COL5A1: variants seen among roughly 807,000 people sequenced by gnomAD.
COL5A1 encodes collagen alpha-1(V) chain.
A neutral mutation model predicts 263.7 loss-of-function variants in COL5A1; 16 were observed. The ratio of observed to expected loss-of-function variants is 0.06; its 90% CI spans 0.04 to 0.09. The LOEUF is 0.09. Ranked by LOEUF, COL5A1 falls within the 10% of genes least tolerant of loss-of-function variation. COL5A1 has a pLI of 1.00. For missense variants in COL5A1, 2,036 were observed against 2,540.5 expected, an observed-to-expected ratio of 0.80 and a Z score of 4.27; for synonymous variants, 1,012 against 1,004.5, an observed-to-expected ratio of 1.01 and a Z score of -0.14.
intron 65 of COL5A1, among the ~76,000 whole-genome samples, chr9:134,838,089 C>T (rs955404364): frequency 6.6e-6 from 1 of 152,202 alleles, no homozygotes; most frequent in African/African-American, 2.4e-5. Context: ...ATCCGCCCAT[C>T]GCCTCCTGGG....
At chr9:134,738,198 G>A (rs902529587) in intron 9 of COL5A1, among the ~76,000 whole-genome samples, 8 of 152,200 alleles carry the variant, frequency 5.3e-5, no homozygotes, top group East Asian at 1.9e-4. Flanking sequence ...TCATCTCGGC[G>A]TCTTCAGGTG....
intron 36 of COL5A1, 85 bp downstream of exon 36, chr9:134,796,986 T>G: frequency 7.6e-6 from 10 of 1,320,320 alleles, no homozygotes; most frequent in Non-Finnish European, 1.1e-5. Context: ...CTGTTTTCTC[T>G]GAGGTCTGCT....
chr9:134,728,238 C>T (rs1482964349), intron 5 of COL5A1, among the ~76,000 whole-genome samples: 1 of 152,238 alleles, frequency 6.6e-6, no homozygotes, highest in African/African-American at 2.4e-5. Context: ...TGGGAATGGG[C>T]TCAGGACAAG....
At chr9:134,747,982 C>T (rs1204048906) in intron 11 of COL5A1, among the ~76,000 whole-genome samples, 2 of 151,466 alleles carry the variant, frequency 1.3e-5, no homozygotes, top group African/African-American at 4.9e-5. Flanking sequence ...TTCACACACA[C>T]ATGCATTCAC....
chr9:134,790,163 A>G (rs1015999756), intron 32 of COL5A1, among the ~76,000 whole-genome samples: 1 of 152,214 alleles, frequency 6.6e-6, no homozygotes. Context: ...CTCCTGGCCA[A>G]AACCTTATGA....
At chr9:134,749,729 G>C (rs1166021822) in intron 11 of COL5A1, among the ~76,000 whole-genome samples, 1 of 152,220 alleles carries the variant, frequency 6.6e-6, no homozygotes, top group African/African-American at 2.4e-5. Context: ...TCTCACTGGG[G>C]AGAGGGGGTT....
intron 1 of COL5A1, among the ~76,000 whole-genome samples, chr9:134,671,760 T>C (rs952478563): frequency 5.3e-5 from 8 of 152,378 alleles, no homozygotes; most frequent in African/African-American, 1.7e-4. Context: ...TTTTGCAGCA[T>C]TTAATAGGTG....
At chr9:134,771,805 A>G (rs10120979) in intron 25 of COL5A1, among the ~76,000 whole-genome samples, 57,686 of 151,870 alleles carry the variant, frequency 0.38, 11,343 homozygotes, top group East Asian at 0.63. Context: ...AGTAGAACCC[A>G]CCCTGCCAGC....
At chr9:134,731,753 G>T (rs1162718046) in intron 8 of COL5A1, 90 bp downstream of exon 8, 7 of 1,398,984 alleles carry the variant, frequency 5.0e-6, no homozygotes, top group Non-Finnish European at 6.8e-6. Flanking sequence ...CTCAGGGGTG[G>T]GCCTCTACGG....
chr9:134,826,777 G>C (rs1477435210), intron 63 of COL5A1, among the ~76,000 whole-genome samples: 3 of 143,250 alleles, frequency 2.1e-5, no homozygotes, highest in Admixed American at 1.4e-4. Flanking sequence ...TGGGTGTGTA[G>C]ATGGTGTTTG....
intron 11 of COL5A1, among the ~76,000 whole-genome samples, chr9:134,746,584 G>A (rs941032092): frequency 2.6e-5 from 4 of 152,212 alleles, no homozygotes; most frequent in African/African-American, 9.7e-5. Flanking sequence ...ACGTCTGGAC[G>A]TCCTCAGGAA....
intron 11 of COL5A1, among the ~76,000 whole-genome samples, 192 bp from the exon 12 acceptor site, chr9:134,750,350 C>A (rs901049014): frequency 6.6e-6 from 1 of 152,236 alleles, no homozygotes; most frequent in Non-Finnish European, 1.5e-5. Context: ...TTCCGATCCT[C>A]AGCCCACAGC....
intron 1 of COL5A1, among the ~76,000 whole-genome samples, chr9:134,660,618 C>T (rs1832174245): frequency 6.6e-6 from 1 of 152,218 alleles, no homozygotes; most frequent in African/African-American, 2.4e-5. Context: ...GAGGGTATTG[C>T]ATCCCAGCTC....
rs1833626246 is a variant in COL5A1, at chr9:134,700,346, G to A, written c.491+224G>A. Among the ~76,000 whole-genome samples the A allele has an allele frequency of 6.6e-6, 1 of 152,138 alleles. No homozygotes were observed. The highest frequency in any genetic ancestry group is 2.4e-5 in the African/African-American group (1 of 41,404). ...TCTGGGGAGTCACTTCTCCTCCCTG[G>A]CCCTCCATTATCCCTTTGTAAAGTG... On this transcript the variant is annotated intron_variant, in intron 3 of 65. Transcript: ENST00000371817. This position sits in a 1 kb window ranked among gnomAD's most constrained non-coding sequence, Gnocchi z 4.0.
Position 134,821,794 on chromosome 9 carries a change from G to A in COL5A1, c.4555-303G>A, listed in dbSNP as rs143058375. 3.6e-4 allele frequency among the ~76,000 whole-genome samples: 55 copies of A among 152,356 alleles called. No homozygotes were observed. The highest frequency in any genetic ancestry group is 1.3e-3 in the Admixed American group (20 of 15,308). On this transcript the variant is annotated intron_variant, in intron 58 of 65. Coordinates refer to ENST00000371817, the MANE Select transcript of COL5A1 (RefSeq NM_000093.5). This position sits in a 1 kb window ranked among gnomAD's most constrained non-coding sequence, Gnocchi z 4.2. ...GTGGTTTCTGTATTTCCAAATGAAC[G>A]TGAAAAGAGGTGCTCAGCCTGAAGT...
At chr9:134,743,606 G>A (rs1835369602) in intron 11 of COL5A1, among the ~76,000 whole-genome samples, 1 of 152,182 alleles carries the variant, frequency 6.6e-6, no homozygotes, top group Non-Finnish European at 1.5e-5. Flanking sequence ...TTGCCACACA[G>A]GGGCACCTCG....
At chr9:134,839,167 G>A (rs915011507) in intron 65 of COL5A1, among the ~76,000 whole-genome samples, 6 of 152,374 alleles carry the variant, frequency 3.9e-5, no homozygotes, top group East Asian at 1.9e-4. Context: ...CCTGATTGAC[G>A]GGGCCGCTGA....
intron 1 of COL5A1, among the ~76,000 whole-genome samples, chr9:134,648,854 C>G (rs1831566146): frequency 6.6e-6 from 1 of 152,194 alleles, no homozygotes; most frequent in African/African-American, 2.4e-5. Flanking sequence ...TGAGCCTGAG[C>G]CAGGAAGGTG....
chr9:134,688,274 C>G (rs929494989), intron 1 of COL5A1, among the ~76,000 whole-genome samples: 1 of 152,136 alleles, frequency 6.6e-6, no homozygotes, highest in Non-Finnish European at 1.5e-5. Context: ...AAGAGCATCA[C>G]GGGCTTGTTA....
Sources: gnomAD v4.1 joint callset for allele counts (sites outside exome capture counted in the v4.1 genomes callset) on GRCh38, gnomAD v4.1.1 for gene constraint, Gnocchi (gnomAD v3.1) non-coding constraint, MANE v1.5 for transcripts, NCBI Gene and HGNC (gene_info 2026-07-23, HGNC 2026-07-21) for gene names.